Variants in MAPK10 observed in about 807,000 individuals in gnomAD.
The protein encoded by MAPK10 is JNK3 alpha protein kinase.
MAPK10 carries 25 observed loss-of-function variants against 59.3 expected under a neutral mutation model. That is an observed-to-expected ratio of 0.42 (90% CI 0.31 to 0.59). The LOEUF (loss-of-function observed/expected upper bound fraction) is 0.59. Ranked by LOEUF, MAPK10 falls within the 20% of genes least tolerant of loss-of-function variation. The pLI, the probability that MAPK10 is intolerant of heterozygous loss-of-function variation, is 0.15. For synonymous variants in MAPK10, 190 were observed against 200.5 expected (o/e 0.95, Z 0.44); for missense variants, 351 against 568.9 (o/e 0.62, Z 3.90).
intron 13 of MAPK10, chr4:86,024,161 T>C (rs1748951579): frequency 1.3e-5 from 2 of 152,056 alleles, no homozygotes; most frequent in Non-Finnish European, 1.5e-5. Context: ...AAGGGTGAGA[T>C]AAGTCTTAGC....
chr4:86,588,558 AT>A (rs1164243606), intron 1 of MAPK10, among the ~76,000 whole-genome samples: 2 of 152,288 alleles, frequency 1.3e-5, no homozygotes, highest in African/African-American at 4.8e-5. Context: ...TAGCATGGAC[AT>A]TTATTTTGTT....
intron 2 of MAPK10, among the ~76,000 whole-genome samples, chr4:86,322,673 T>C (rs2095925036): frequency 6.6e-6 from 1 of 152,206 alleles, no homozygotes; most frequent in Non-Finnish European, 1.5e-5. Context: ...TCAGATGGTT[T>C]TTTATCAGGC....
At chr4:86,430,213 A>AT (rs1451449039) in intron 1 of MAPK10, among the ~76,000 whole-genome samples, 3 of 152,214 alleles carry the variant, frequency 2.0e-5, no homozygotes, top group Non-Finnish European at 2.9e-5. Flanking sequence ...AAGAATAATT[A>AT]TTGATTGAAA....
intron 4 of MAPK10, chr4:86,119,449 A>G: frequency 6.6e-6 from 1 of 152,314 alleles, no homozygotes; most frequent in Non-Finnish European, 1.5e-5. Flanking sequence ...TACAAAAATT[A>G]GCCAGGCGTG....
At chr4:86,416,701 A>G (rs1236939878) in intron 1 of MAPK10, among the ~76,000 whole-genome samples, 3 of 152,178 alleles carry the variant, frequency 2.0e-5, no homozygotes, top group South Asian at 4.1e-4. Context: ...GCTTTCCTAC[A>G]TATGCCACAG....
At chr4:86,533,521 C>T (rs1344758329) in intron 1 of MAPK10, among the ~76,000 whole-genome samples, 1 of 152,140 alleles carries the variant, frequency 6.6e-6, no homozygotes, top group African/African-American at 2.4e-5. Flanking sequence ...CACCAGTACC[C>T]ATCCTTTTGA....
intron 2 of MAPK10, among the ~76,000 whole-genome samples, chr4:86,299,539 A>G (rs1156714491): frequency 2.3e-4 from 35 of 152,274 alleles, no homozygotes; most frequent in Non-Finnish European, 1.3e-4. Flanking sequence ...CTGTACCTTG[A>G]TTTTGGATTT....
intron 4 of MAPK10, chr4:86,117,429 T>C (rs1290338031): frequency 6.6e-6 from 1 of 152,234 alleles, no homozygotes; most frequent in Non-Finnish European, 1.5e-5. Flanking sequence ...AGGACCAGTG[T>C]TGAGTTCAGG....
intron 9 of MAPK10, among the ~76,000 whole-genome samples, chr4:86,076,003 C>T (rs1183258311): frequency 1.3e-5 from 2 of 151,726 alleles, no homozygotes; most frequent in African/African-American, 2.4e-5. Flanking sequence ...CCTCCTGGGG[C>T]CTTGCAGTTT....
chr4:86,141,376 C>T lies in MAPK10; in HGVS notation c.236+17922G>A, dbSNP rs752819170. Among the ~76,000 whole-genome samples, 34 of 152,136 alleles carry T rather than the reference C, an allele frequency of 2.2e-4. 1 individual carries two copies. Among genetic ancestry groups the T allele is most frequent in the Non-Finnish European group, 4.1e-4 (28 of 68,022 alleles). On this transcript the variant is annotated intron_variant, in intron 4 of 13. Transcript: ENST00000641462. ...AAGATAACCCCCTGAGCTTTTTTAA[C>T]CTGAGGAAATTGTGTCATGAAGTCC...
At chr4:86,276,091 CTG>C (rs773096223) in intron 2 of MAPK10, among the ~76,000 whole-genome samples, 1 of 152,080 alleles carries the variant, frequency 6.6e-6, no homozygotes, top group Non-Finnish European at 1.5e-5. Flanking sequence ...ACTCTGAAAA[CTG>C]TAAATATTTC....
chr4:86,122,671 T>C lies in MAPK10; in HGVS notation c.237-15319A>G, dbSNP rs150567278. On this transcript the variant is annotated intron_variant, in intron 4 of 13. Transcript: ENST00000641462. ...CTCAGAATTGTGTAAGCTGACACAA[T>C]TGAGATGTTTATGGTGTTGGCTTTT... 8.1e-4 allele frequency among the ~76,000 whole-genome samples: 124 copies of C among 152,212 alleles called. 1 individual carries two copies. Among genetic ancestry groups the C allele is most frequent in the African/African-American group, 1.1e-3 (46 of 41,514 alleles).
intron 9 of MAPK10, among the ~76,000 whole-genome samples, chr4:86,075,717 G>T (rs1280084749): frequency 6.6e-6 from 1 of 152,122 alleles, no homozygotes; most frequent in African/African-American, 2.4e-5. Context: ...GGGGTCAGGG[G>T]TCAGGGACCC....
chr4:86,242,734 T>C (rs952800638), intron 2 of MAPK10, among the ~76,000 whole-genome samples: 4 of 152,168 alleles, frequency 2.6e-5, no homozygotes, highest in Non-Finnish European at 5.9e-5. Flanking sequence ...GCTACAGAAG[T>C]AGGTGCTGCT....
At chr4:86,262,563 C>T (rs927342217) in intron 2 of MAPK10, among the ~76,000 whole-genome samples, 1 of 152,130 alleles carries the variant, frequency 6.6e-6, no homozygotes, top group African/African-American at 2.4e-5. Flanking sequence ...TGACTAGGCT[C>T]CTAGTGTGTA....
At chr4:86,223,448 C>T (rs1170030291) in intron 2 of MAPK10, among the ~76,000 whole-genome samples, 1 of 152,218 alleles carries the variant, frequency 6.6e-6, no homozygotes, top group African/African-American at 2.4e-5. Flanking sequence ...GCATTGCTGG[C>T]TGCATTCTGT....
chr4:86,298,036 T>C (rs1031366151), intron 2 of MAPK10, among the ~76,000 whole-genome samples: 3 of 152,216 alleles, frequency 2.0e-5, no homozygotes, highest in African/African-American at 7.2e-5. Context: ...TGTGTGGTCC[T>C]ATCTGCCTGA....
rs191931949 is a variant in MAPK10, at chr4:86,159,519, A to C, written c.67-52T>G. ...ATGAGGCAAGTGAACAGGCAGAATG[A>C]TAATGAGATGTACAGAAACTTGTTC... On this transcript the variant is annotated intron_variant, in intron 3 of 13. Transcript: ENST00000641462. 1.5e-5 allele frequency: 22 copies of C among 1,467,166 alleles called. No individual in the cohort carries two copies. In the African/African-American group the frequency reaches 2.4e-4, roughly 16 times the overall value. The allele number at this position is 1,467,166 out of a possible 1,614,324, so 90.9% of individuals were successfully genotyped here.
chr4:86,278,301 T>C (rs2094659763), intron 2 of MAPK10, among the ~76,000 whole-genome samples: 1 of 152,184 alleles, frequency 6.6e-6, no homozygotes, highest in Non-Finnish European at 1.5e-5. Context: ...CTCCCTAGTG[T>C]CCTAGTACAT....
Sources: gnomAD v4.1 joint callset for allele counts (sites outside exome capture counted in the v4.1 genomes callset) on GRCh38, gnomAD v4.1.1 for gene constraint, MANE v1.5 for transcripts, NCBI Gene and HGNC (gene_info 2026-07-23, HGNC 2026-07-21) for gene names.